Variants in TDRD7 observed in about 807,000 individuals in gnomAD.
TDRD7 encodes the protein tudor domain containing 7, also known as tudor domain-containing protein 7.
TDRD7 carries 47 observed loss-of-function variants against 109.8 expected under a neutral mutation model. The observed-to-expected ratio is 0.43, with a 90% CI of 0.34 to 0.55. The LOEUF (loss-of-function observed/expected upper bound fraction) is 0.55, where lower values mean the gene tolerates loss of function less well. Ranked by LOEUF, TDRD7 falls within the 20% of genes least tolerant of loss-of-function variation. TDRD7 has a pLI of 0.03. For missense variants in TDRD7, 1,164 were observed against 1,319.2 expected, an observed-to-expected ratio of 0.88 and a Z score of 1.82; for synonymous variants, 424 against 457.3, an observed-to-expected ratio of 0.93 and a Z score of 0.93.
chr9:97,445,710 A>AAGAGGCAAGC (rs1317275814), intron 6 of TDRD7, among the ~76,000 whole-genome samples: 3 of 152,184 alleles, frequency 2.0e-5, no homozygotes, highest in Non-Finnish European at 4.4e-5. Flanking sequence ...GAAGAAGCTG[A>AAGAGGCAAGC]AGAGGCAAGC....
chr9:97,471,108 G>A (rs1344742958), intron 9 of TDRD7, among the ~76,000 whole-genome samples: 1 of 152,118 alleles, frequency 6.6e-6, no homozygotes, highest in Non-Finnish European at 1.5e-5. Flanking sequence ...TTGATCACAG[G>A]TCACATGCAG....
At chr9:97,439,617 G>T (rs1255266773) in intron 5 of TDRD7, among the ~76,000 whole-genome samples, 3 of 152,080 alleles carry the variant, frequency 2.0e-5, no homozygotes, top group South Asian at 2.1e-4. Flanking sequence ...CTCTTAGGGG[G>T]TGCACCCCTG....
intron 12 of TDRD7, 38 bp downstream of exon 12, chr9:97,475,507 T>C (rs756960131): frequency 8.5e-6 from 12 of 1,409,206 alleles, no homozygotes; most frequent in South Asian, 1.2e-5. Flanking sequence ...TCTTAACTTA[T>C]TGTGAAATAT....
chr9:97,465,028 G>A lies in TDRD7; in HGVS notation c.1629G>A (p.Lys543=). ...TCTCAACAGAAGAGAACAAAATAAA[G>A]GCAAGCACTGTTTACTTTGTCATAG... ...QVISTEENKI[K]VCYVDYGFSE... The change falls in exon 8 of 17, where the codon AAG becomes AAA. Residue 543 remains lysine (K), a splice_region_variant and synonymous_variant. Coordinates refer to ENST00000355295, the MANE Select transcript of TDRD7 (RefSeq NM_014290.3). The A allele has an allele frequency of 6.2e-7, 1 of 1,613,222 alleles. No individual in the cohort carries two copies. The highest frequency in any genetic ancestry group is 8.5e-7 in the Non-Finnish European group (1 of 1,179,560).
At chr9:97,413,737 G>A (rs1827763977) in intron 1 of TDRD7, among the ~76,000 whole-genome samples, 1 of 152,204 alleles carries the variant, frequency 6.6e-6, no homozygotes, top group Non-Finnish European at 1.5e-5. Flanking sequence ...AGGGCCCTTT[G>A]GTGGCACACA....
intron 3 of TDRD7, 125 bp downstream of exon 3, chr9:97,431,199 A>G: frequency 7.2e-7 from 1 of 1,395,892 alleles, no homozygotes; most frequent in Non-Finnish European, 1.0e-6. Context: ...ATGTCAGGGG[A>G]AAGATCCTGA....
intron 9 of TDRD7, 139 bp downstream of exon 9, chr9:97,470,808 A>T (rs1226764880): frequency 4.5e-6 from 3 of 667,114 alleles, no homozygotes; most frequent in African/African-American, 1.8e-5. Context: ...TTCATGTCGA[A>T]TGTATTCTTT....
chr9:97,433,576 A>G (rs895518538), intron 4 of TDRD7, among the ~76,000 whole-genome samples: 3 of 152,160 alleles, frequency 2.0e-5, no homozygotes, highest in African/African-American at 7.2e-5. Context: ...ACAGAGTGAA[A>G]AGACAAGCTA....
chr9:97,494,710 ATAT>A (rs1309969132), intron 16 of TDRD7, among the ~76,000 whole-genome samples: 91 of 99,708 alleles, frequency 9.1e-4, no homozygotes, highest in East Asian at 5.2e-3. Flanking sequence ...ATATATATAT[ATAT>A]TTTTTTTTTT....
Position 97,460,416 on chromosome 9 carries a change from T to G in TDRD7, c.1094T>G (p.Phe365Cys). Residue 365 changes from phenylalanine to cysteine, a missense_variant, in exon 7 of 17, where the codon TTT becomes TGT. Transcript: ENST00000355295. ...GLWASALPKA[F>C]EEMYKVKFPE... ...TGGGCCAGTGCACTTCCGAAAGCATTTGAGGAAATGTACAAAGTGAAATTC... is the reference window on the plus strand; with the variant it reads ...TGGGCCAGTGCACTTCCGAAAGCATGTGAGGAAATGTACAAAGTGAAATTC... 3 of 1,614,204 alleles carry G rather than the reference T, an allele frequency of 1.9e-6. No individual in the cohort carries two copies. The highest frequency in any genetic ancestry group is 2.5e-6 in the Non-Finnish European group (3 of 1,180,040).
At chr9:97,469,932 A>T (rs1828883307) in intron 8 of TDRD7, among the ~76,000 whole-genome samples, 1 of 151,966 alleles carries the variant, frequency 6.6e-6, no homozygotes, top group South Asian at 2.1e-4. Context: ...AGAAGACCTA[A>T]CCCAGCTTCA....
chr9:97,432,177 G>A lies in TDRD7; in HGVS notation c.502G>A (p.Gly168Arg), dbSNP rs1429859857. The change falls in exon 4 of 17, where the codon GGA (glycine) becomes AGA (arginine). Residue 168 changes from glycine (G) to arginine (R), a missense_variant. By Grantham distance (125) the Gly-to-Arg change is moderately radical. Transcript: ENST00000355295. Reference sequence around the variant, plus strand: ...TCCTTATATGCTACACACAACTCTTGGAAATGAAGCATTCAAAGACATTCC... The same window carrying A: ...TCCTTATATGCTACACACAACTCTTAGAAATGAAGCATTCAAAGACATTCC... ...MSPYMLHTTL[G>R]NEAFKDIPVQ... 2 of 1,613,770 alleles carry A rather than the reference G, an allele frequency of 1.2e-6. No individual in the cohort carries two copies. The highest frequency in any genetic ancestry group is 2.2e-5 in the East Asian group (1 of 44,872).
At chr9:97,421,487 G>A (rs1055629023) in intron 1 of TDRD7, among the ~76,000 whole-genome samples, 25 of 152,172 alleles carry the variant, frequency 1.6e-4, no homozygotes, top group African/African-American at 5.3e-4. Flanking sequence ...ACTTTACCAC[G>A]TCTGTTATGA....
At chr9:97,490,551 G>GGA (rs1554750859) in intron 16 of TDRD7, among the ~76,000 whole-genome samples, 2 of 135,886 alleles carry the variant, frequency 1.5e-5, no homozygotes, top group Non-Finnish European at 3.2e-5. Flanking sequence ...TATTTTGGTG[G>GGA]GGGGGGGGGC....
Position 97,478,422 on chromosome 9 carries a change from C to A in TDRD7, c.2167-17C>A. On this transcript the variant is annotated splice_polypyrimidine_tract_variant and intron_variant, in intron 12 of 16. Coordinates refer to ENST00000355295, the MANE Select transcript of TDRD7 (RefSeq NM_014290.3). ...TTGAATATGCTAATAAATGAGCCAA[C>A]ACTTATCTCATTTCAGATCACAAAT... 6.2e-7 allele frequency: 1 copy of A among 1,613,894 alleles called. No individual in the cohort carries two copies. The highest frequency in any genetic ancestry group is 8.5e-7 in the Non-Finnish European group (1 of 1,179,900).
At chr9:97,425,426 A>T (rs910714499) in intron 1 of TDRD7, among the ~76,000 whole-genome samples, 1 of 152,212 alleles carries the variant, frequency 6.6e-6, no homozygotes, top group Non-Finnish European at 1.5e-5. Flanking sequence ...TACAGTATTC[A>T]GTATAGTAGC....
At chr9:97,446,812 A>G (rs1828409968) in intron 6 of TDRD7, among the ~76,000 whole-genome samples, 2 of 152,194 alleles carry the variant, frequency 1.3e-5, no homozygotes, top group Admixed American at 1.3e-4. Flanking sequence ...TTGCCTTTTT[A>G]AAAAGCCTGG....
At chr9:97,432,668 A>C (rs1257924422) in intron 4 of TDRD7, among the ~76,000 whole-genome samples, 1 of 152,218 alleles carries the variant, frequency 6.6e-6, no homozygotes, top group Non-Finnish European at 1.5e-5. Flanking sequence ...GGCAATAATA[A>C]GACAACCTAT....
intron 16 of TDRD7, among the ~76,000 whole-genome samples, chr9:97,489,679 A>G (rs1237952015): frequency 1.3e-5 from 2 of 152,068 alleles, no homozygotes; most frequent in African/African-American, 2.4e-5. Flanking sequence ...AACATCTACC[A>G]TATTTGTTAC....
Sources: allele counts gnomAD v4.1 joint callset (sites outside exome capture counted in the v4.1 genomes callset), GRCh38; gene constraint gnomAD v4.1.1; transcripts MANE v1.5; gene names NCBI Gene and HGNC (gene_info 2026-07-23, HGNC 2026-07-21).